The following FMN1 variants were observed in gnomAD, a reference collection of about 807,000 sequenced individuals.
The protein encoded by FMN1 is formin 1.
Under a neutral mutation model 132.4 loss-of-function variants are expected in FMN1, and 110 were observed. The observed-to-expected ratio is 0.83, with a 90% CI of 0.71 to 0.97. The LOEUF (loss-of-function observed/expected upper bound fraction) is 0.97, where lower values mean the gene tolerates loss of function less well. FMN1 is among the 50% of genes least tolerant of loss of function. FMN1 has a pLI of 0.00. For synonymous variants in FMN1, 722 were observed against 651.7 expected (o/e 1.11, Z -1.64); for missense variants, 1,792 against 1,705.3 (o/e 1.05, Z -0.90).
intron 2 of FMN1, among the ~76,000 whole-genome samples, chr15:33,190,977 T>A (rs1409518671): frequency 6.6e-6 from 1 of 152,184 alleles, no homozygotes; most frequent in Non-Finnish European, 1.5e-5. Flanking sequence ...AAGACCATCC[T>A]GGCTAACACG....
At chr15:32,816,208 G>T (rs908708172) in intron 17 of FMN1, among the ~76,000 whole-genome samples, 1 of 152,108 alleles carries the variant, frequency 6.6e-6, no homozygotes, top group African/African-American at 2.4e-5. Context: ...CCTACAGTAA[G>T]CTCCCAAGGA....
intron 9 of FMN1, among the ~76,000 whole-genome samples, chr15:32,952,115 C>T (rs1030226266): frequency 4.6e-5 from 7 of 152,160 alleles, no homozygotes; most frequent in African/African-American, 1.4e-4. Flanking sequence ...CCTGCAGTGG[C>T]AACTGAATGG....
At chr15:33,103,128 C>G (rs2039356897) in intron 4 of FMN1, among the ~76,000 whole-genome samples, 1 of 152,072 alleles carries the variant, frequency 6.6e-6, no homozygotes. Flanking sequence ...GTTGAATATA[C>G]ATTACATGAA....
At chr15:33,129,823 C>T (rs932792932) in intron 4 of FMN1, among the ~76,000 whole-genome samples, 3 of 137,270 alleles carry the variant, frequency 2.2e-5, no homozygotes, top group Non-Finnish European at 3.0e-5. Flanking sequence ...GACAGAGTCT[C>T]GTTCTGTCGC....
chr15:33,056,084 C>G (rs948562836), intron 6 of FMN1, among the ~76,000 whole-genome samples: 3 of 152,180 alleles, frequency 2.0e-5, no homozygotes, highest in African/African-American at 7.2e-5. Context: ...CCAGCACTGT[C>G]ATATGCTGCT....
At chr15:33,050,296 T>A (rs1376812630) in intron 6 of FMN1, among the ~76,000 whole-genome samples, 1 of 152,208 alleles carries the variant, frequency 6.6e-6, no homozygotes, top group Admixed American at 6.5e-5. Flanking sequence ...TTAGACCAGA[T>A]TTCACTACAT....
At chr15:33,117,528 A>G (rs1373084513) in intron 4 of FMN1, among the ~76,000 whole-genome samples, 1 of 152,216 alleles carries the variant, frequency 6.6e-6, no homozygotes, top group Non-Finnish European at 1.5e-5. Flanking sequence ...CTTTTGGAAA[A>G]TCTGAACTAC....
chr15:32,972,331 C>T (rs2031860641), intron 7 of FMN1, among the ~76,000 whole-genome samples: 1 of 152,176 alleles, frequency 6.6e-6, no homozygotes, highest in South Asian at 2.1e-4. Flanking sequence ...ATTCCTTTAG[C>T]TATGGCACTT....
chr15:33,144,569 C>T (rs1438159412), intron 4 of FMN1, among the ~76,000 whole-genome samples: 3 of 142,664 alleles, frequency 2.1e-5, no homozygotes, highest in Non-Finnish European at 3.0e-5. Flanking sequence ...ACCCGGGAGG[C>T]GGAACTTGCA....
intron 4 of FMN1, among the ~76,000 whole-genome samples, chr15:33,147,460 A>G (rs1202262135): frequency 6.6e-6 from 1 of 152,204 alleles, no homozygotes; most frequent in Non-Finnish European, 1.5e-5. Flanking sequence ...CATCTTTGGA[A>G]TTATTTCGGA....
intron 6 of FMN1, among the ~76,000 whole-genome samples, chr15:33,045,741 G>C (rs773589162): frequency 1.3e-5 from 2 of 152,172 alleles, no homozygotes; most frequent in African/African-American, 4.8e-5. Context: ...TACTGCAGGG[G>C]TTGAAAAGTT....
chr15:33,058,471 C>G (rs1466625023), intron 6 of FMN1, among the ~76,000 whole-genome samples: 1 of 152,204 alleles, frequency 6.6e-6, no homozygotes, highest in Non-Finnish European at 1.5e-5. Flanking sequence ...ATGCATTTTA[C>G]TACACAAACT....
At chr15:33,167,101 G>A (rs1192597729) in intron 3 of FMN1, among the ~76,000 whole-genome samples, 2 of 152,176 alleles carry the variant, frequency 1.3e-5, no homozygotes, top group African/African-American at 4.8e-5. Flanking sequence ...GAGGAGAGGA[G>A]AGAGATGACA....
Position 33,153,544 on chromosome 15 carries a change from C to CTTGTT in FMN1, c.1366_1370dup (p.Arg458ThrfsTer23). ...CACCAAGGGGCAACCCGGCTCTCCT[C>CTTGTT]TTGTTTCTCGTTTCTGGGCGAGTGT... On this transcript the variant is annotated frameshift_variant, in exon 4 of 21. Coordinates refer to ENST00000616417, the MANE Select transcript of FMN1 (RefSeq NM_001277313.2). LOFTEE classifies it high-confidence loss of function. 3 of 1,536,300 alleles carry CTTGTT rather than the reference C, an allele frequency of 2.0e-6. No individual in the cohort carries two copies. Among genetic ancestry groups the CTTGTT allele is most frequent in the Non-Finnish European group, 2.6e-6 (3 of 1,146,956 alleles).
intron 4 of FMN1, among the ~76,000 whole-genome samples, chr15:33,124,312 G>A (rs1962846422): frequency 6.6e-6 from 1 of 152,202 alleles, no homozygotes; most frequent in South Asian, 2.1e-4. Context: ...AGTGAGAAGG[G>A]GGTCTGGTCA....
chr15:33,041,590 T>C (rs2036442843), intron 6 of FMN1, among the ~76,000 whole-genome samples: 1 of 151,702 alleles, frequency 6.6e-6, no homozygotes, highest in African/African-American at 2.4e-5. Context: ...CAAGAAGACA[T>C]ACAAATGGCT....
At chr15:33,029,827 A>G (rs1423894328) in intron 6 of FMN1, among the ~76,000 whole-genome samples, 1 of 152,204 alleles carries the variant, frequency 6.6e-6, no homozygotes, top group South Asian at 2.1e-4. Flanking sequence ...AGCCAGAATG[A>G]TAGAAGTTGG....
chr15:33,026,396 A>G (rs1011762323), intron 6 of FMN1, among the ~76,000 whole-genome samples: 1 of 134,196 alleles, frequency 7.5e-6, no homozygotes, highest in African/African-American at 2.9e-5. Context: ...ACATTAGAGG[A>G]TACGTCCAAA....
chr15:32,778,739 A>G (rs1236956460), intron 19 of FMN1, among the ~76,000 whole-genome samples: 5 of 152,108 alleles, frequency 3.3e-5, no homozygotes, highest in Non-Finnish European at 7.4e-5. Context: ...GCTTTGGAAA[A>G]CAGTTTGGCC....
Sources: allele counts gnomAD v4.1 joint callset (sites outside exome capture counted in the v4.1 genomes callset), GRCh38; gene constraint gnomAD v4.1.1; transcripts MANE v1.5; gene names NCBI Gene and HGNC (gene_info 2026-07-23, HGNC 2026-07-21).